Variants in EDIL3 observed in about 807,000 individuals in gnomAD.
EDIL3 encodes EGF-like repeat and discoidin I-like domain-containing protein 3.
A neutral mutation model predicts 67.4 loss-of-function variants in EDIL3; 37 were observed. The ratio of observed to expected loss-of-function variants is 0.55; its 90% CI spans 0.42 to 0.72. The LOEUF (loss-of-function observed/expected upper bound fraction) is 0.72, where lower values mean the gene tolerates loss of function less well. EDIL3 is among the 30% of genes least tolerant of loss of function. The pLI is 0.00. For synonymous variants in EDIL3, 195 were observed against 196.3 expected (o/e 0.99, Z 0.05); for missense variants, 527 against 586.3 (o/e 0.90, Z 1.04).
At chr5:84,103,804 T>A (rs1747410862) in intron 6 of EDIL3, among the ~76,000 whole-genome samples, 1 of 152,090 alleles carries the variant, frequency 6.6e-6, no homozygotes, top group African/African-American at 2.4e-5. Context: ...TGGAAAGCAG[T>A]GTGAAGATTC....
intron 9 of EDIL3, among the ~76,000 whole-genome samples, chr5:84,021,306 C>A (rs1330748284): frequency 2.6e-5 from 4 of 151,774 alleles, no homozygotes; most frequent in African/African-American, 9.7e-5. Context: ...TGTGGTACAA[C>A]ATTAGATTGT....
At chr5:83,972,961 CAA>C (rs1744818904) in intron 9 of EDIL3, among the ~76,000 whole-genome samples, 1 of 151,922 alleles carries the variant, frequency 6.6e-6, no homozygotes, top group African/African-American at 2.4e-5. Context: ...AAATTGACAT[CAA>C]GTTAGGCTAA....
chr5:84,191,270 G>T (rs1373893106), intron 3 of EDIL3, among the ~76,000 whole-genome samples: 1 of 152,026 alleles, frequency 6.6e-6, no homozygotes, highest in Admixed American at 6.6e-5. Context: ...GATCTTGAAG[G>T]CAGTGGCAGG....
intron 1 of EDIL3, among the ~76,000 whole-genome samples, chr5:84,333,042 C>T (rs1746908105): frequency 6.6e-6 from 1 of 152,066 alleles, no homozygotes; most frequent in South Asian, 2.1e-4. Context: ...AAGCTAATAA[C>T]ACAGCTAGAT....
chr5:84,149,053 T>C (rs1209977331), intron 4 of EDIL3, among the ~76,000 whole-genome samples: 4 of 149,346 alleles, frequency 2.7e-5, no homozygotes, highest in Non-Finnish European at 5.9e-5. Flanking sequence ...CACAAAGGAC[T>C]CTCCCTCTTG....
chr5:83,963,863 C>T (rs1744646985), intron 9 of EDIL3, among the ~76,000 whole-genome samples: 1 of 151,706 alleles, frequency 6.6e-6, no homozygotes, highest in Non-Finnish European at 1.5e-5. Flanking sequence ...TTAGTCAATC[C>T]TGTTTCCATA....
chr5:83,966,848 T>C (rs915265137), intron 9 of EDIL3, among the ~76,000 whole-genome samples: 2 of 152,104 alleles, frequency 1.3e-5, no homozygotes, highest in African/African-American at 4.8e-5. Flanking sequence ...AATATCTTGT[T>C]AGAAGGAAAT....
chr5:83,957,608 C>T (rs1404815549), intron 10 of EDIL3, among the ~76,000 whole-genome samples: 1 of 151,618 alleles, frequency 6.6e-6, no homozygotes, highest in African/African-American at 2.4e-5. Flanking sequence ...GATATTGCTG[C>T]TTCTATTTTT....
intron 1 of EDIL3, among the ~76,000 whole-genome samples, chr5:84,368,696 G>A (rs539459454): frequency 6.3e-4 from 96 of 151,590 alleles, no homozygotes; most frequent in African/African-American, 2.1e-3. Flanking sequence ...GGCAACCCAC[G>A]GAATGAGAAA....
intron 3 of EDIL3, among the ~76,000 whole-genome samples, chr5:84,204,851 CT>C (rs1188989762): frequency 1.4e-5 from 2 of 147,356 alleles, no homozygotes; most frequent in Non-Finnish European, 3.0e-5. Context: ...CGAAATGCTG[CT>C]TTTTTATAAT....
chr5:84,133,377 C>G (rs773804568), intron 5 of EDIL3, among the ~76,000 whole-genome samples: 1 of 147,078 alleles, frequency 6.8e-6, no homozygotes, highest in Non-Finnish European at 1.5e-5. Flanking sequence ...AATCCCATTA[C>G]TTTGGGAGGC....
intron 3 of EDIL3, among the ~76,000 whole-genome samples, chr5:84,195,925 A>G (rs1321215219): frequency 2.0e-5 from 3 of 151,976 alleles, no homozygotes; most frequent in African/African-American, 7.2e-5. Flanking sequence ...CTCTTTTCAC[A>G]GGAGCTACCT....
At chr5:84,201,193 G>A (rs980307874) in intron 3 of EDIL3, among the ~76,000 whole-genome samples, 1 of 151,928 alleles carries the variant, frequency 6.6e-6, no homozygotes, top group African/African-American at 2.4e-5. Context: ...TCTGTTATCA[G>A]GGGTATGATC....
In EDIL3 at chr5:83,967,060, C is replaced by A. The variant is rs560263561; in HGVS notation, c.1138-3700G>T. Reference sequence around the variant, plus strand: ...GTAACGTTCTGGGTATGGTGGCTCACGCTTGTAATCCCAGCACTTTGGGAG... The same window carrying A: ...GTAACGTTCTGGGTATGGTGGCTCAAGCTTGTAATCCCAGCACTTTGGGAG... On this transcript the variant is annotated intron_variant, in intron 9 of 10. Transcript: ENST00000296591. Among the ~76,000 whole-genome samples, 71 of 152,160 alleles carry A rather than the reference C, an allele frequency of 4.7e-4. 1 individual carries two copies. The highest frequency in any genetic ancestry group is 5.9e-5 in the Non-Finnish European group (4 of 67,984).
chr5:84,346,514 CATA>C (rs1288059147), intron 1 of EDIL3, among the ~76,000 whole-genome samples: 1 of 152,096 alleles, frequency 6.6e-6, no homozygotes, highest in Non-Finnish European at 1.5e-5. Flanking sequence ...TTTTTATTAT[CATA>C]ATATTTTCTT....
chr5:83,983,516 A>G (rs538848093), intron 9 of EDIL3, among the ~76,000 whole-genome samples: 3 of 152,244 alleles, frequency 2.0e-5, no homozygotes, highest in Admixed American at 6.6e-5. Flanking sequence ...TCTTGAGACC[A>G]AAGTTTTAAG....
At chr5:84,005,320 T>A (rs1745393306) in intron 9 of EDIL3, among the ~76,000 whole-genome samples, 1 of 152,112 alleles carries the variant, frequency 6.6e-6, no homozygotes, top group Admixed American at 6.6e-5. Context: ...TCCTATCTAA[T>A]TCTATGAGGA....
chr5:84,325,098 A>C (rs1191961913), intron 1 of EDIL3, among the ~76,000 whole-genome samples: 1 of 151,978 alleles, frequency 6.6e-6, no homozygotes, highest in Non-Finnish European at 1.5e-5. Context: ...CATGACATGA[A>C]AGGCACAGAC....
chr5:84,062,151 C>G (rs1440441275), intron 8 of EDIL3, among the ~76,000 whole-genome samples: 1 of 151,898 alleles, frequency 6.6e-6, no homozygotes, highest in East Asian at 1.9e-4. Flanking sequence ...AGCTGTAATG[C>G]CTACCTGTAT....
Sources: allele counts gnomAD v4.1 joint callset (sites outside exome capture counted in the v4.1 genomes callset), GRCh38; gene constraint gnomAD v4.1.1; transcripts MANE v1.5; gene names NCBI Gene and HGNC (gene_info 2026-07-23, HGNC 2026-07-21).